Variants in MYRIP observed in about 807,000 individuals in gnomAD.
MYRIP encodes myosin VIIA and Rab interacting protein.
A neutral mutation model predicts 98.0 loss-of-function variants in MYRIP; 49 were observed. The ratio of observed to expected loss-of-function variants is 0.50; its 90% CI spans 0.40 to 0.63. The LOEUF is 0.63. MYRIP is among the 30% of genes least tolerant of loss of function. The probability of loss-of-function intolerance (pLI) is 0.00; values close to 1 mark genes in which losing one functional copy is unlikely to be tolerated. For synonymous variants in MYRIP, 404 were observed against 409.5 expected (o/e 0.99, Z 0.16); for missense variants, 1,004 against 1,058.2 (o/e 0.95, Z 0.71).
intron 1 of MYRIP, among the ~76,000 whole-genome samples, chr3:39,842,795 G>T (rs1255412711): frequency 6.6e-6 from 1 of 152,150 alleles, no homozygotes; most frequent in Non-Finnish European, 1.5e-5. Flanking sequence ...TGCACCCACT[G>T]TCTAACCAGT....
chr3:40,118,651 A>T (rs1018269226), intron 3 of MYRIP, among the ~76,000 whole-genome samples: 19 of 151,068 alleles, frequency 1.3e-4, no homozygotes, highest in African/African-American at 4.1e-4. Flanking sequence ...TGTGCACAAC[A>T]TGCAGGTTTG....
At chr3:39,991,522 T>C (rs1279972502) in intron 2 of MYRIP, among the ~76,000 whole-genome samples, 2 of 152,226 alleles carry the variant, frequency 1.3e-5, no homozygotes, top group Non-Finnish European at 2.9e-5. Flanking sequence ...CTAATTATTT[T>C]ACTACCTTCC....
At chr3:39,825,256 T>G (rs1252931973) in intron 1 of MYRIP, among the ~76,000 whole-genome samples, 1 of 152,186 alleles carries the variant, frequency 6.6e-6, no homozygotes, top group Non-Finnish European at 1.5e-5. Flanking sequence ...ATAGTGGACA[T>G]CCTCGTCTTG....
chr3:39,987,485 T>G (rs1426204086), intron 2 of MYRIP, among the ~76,000 whole-genome samples: 1 of 152,244 alleles, frequency 6.6e-6, no homozygotes, highest in African/African-American at 2.4e-5. Flanking sequence ...TGTGTCTTTA[T>G]AATAGAATGA....
intron 2 of MYRIP, among the ~76,000 whole-genome samples, chr3:39,999,568 C>T (rs1323464062): frequency 6.6e-6 from 1 of 150,932 alleles, no homozygotes; most frequent in Non-Finnish European, 1.5e-5. Context: ...AACTTTCACA[C>T]TGTTGGTGGG....
intron 2 of MYRIP, among the ~76,000 whole-genome samples, chr3:40,042,288 TAAAAAAAAA>T (rs66600615): frequency 1.8e-5 from 2 of 112,580 alleles, no homozygotes; most frequent in African/African-American, 3.4e-5. Flanking sequence ...ACTGGAAGGA[TAAAAAAAAA>T]AAAAAAAAAA....
chr3:39,945,485 A>AG (rs1944880053), intron 2 of MYRIP, among the ~76,000 whole-genome samples: 1 of 131,992 alleles, frequency 7.6e-6, no homozygotes, highest in Non-Finnish European at 1.6e-5. Flanking sequence ...TCAAAAAAAA[A>AG]AAAAAAGAAA....
chr3:39,859,165 A>T (rs140986685), intron 1 of MYRIP, among the ~76,000 whole-genome samples: 33 of 151,936 alleles, frequency 2.2e-4, no homozygotes, highest in South Asian at 1.5e-3. Flanking sequence ...GATGGAGAGG[A>T]CTTGAGTAAA....
rs551808105 is a variant in MYRIP at position 40,166,862 on chromosome 3, C to T, written c.567C>T (p.Asp189=). The T allele has an allele frequency of 1.2e-6, 2 of 1,612,556 alleles. No homozygotes were observed. Among genetic ancestry groups the T allele is most frequent in the African/African-American group, 2.7e-5 (2 of 75,014 alleles). Residue 189 remains aspartate (D), a synonymous_variant, in exon 6 of 17, where the codon GAC becomes GAT. Coordinates refer to ENST00000302541, the MANE Select transcript of MYRIP (RefSeq NM_015460.4). ...CCTGTCTAGGACATAGTGTGATGGA[C>T]ACCTTGGCTGTGGCCCTACGGGTGG... ...YRQSEGHSVM[D]TLAVALRVAE...
At chr3:39,836,302 G>A (rs1257628599) in intron 1 of MYRIP, among the ~76,000 whole-genome samples, 1 of 152,058 alleles carries the variant, frequency 6.6e-6, no homozygotes, top group Non-Finnish European at 1.5e-5. Flanking sequence ...GCATGAGATG[G>A]TATCTCATGG....
At chr3:39,894,446 TTGTC>T (rs1277504109) in intron 1 of MYRIP, among the ~76,000 whole-genome samples, 2 of 152,224 alleles carry the variant, frequency 1.3e-5, no homozygotes, top group African/African-American at 2.4e-5. Context: ...TTATTGAAGT[TTGTC>T]TGTGTTTATT....
At chr3:39,857,139 C>A (rs146240261) in intron 1 of MYRIP, among the ~76,000 whole-genome samples, 2 of 151,594 alleles carry the variant, frequency 1.3e-5, no homozygotes, top group African/African-American at 4.8e-5. Context: ...CTTGGGCTTG[C>A]GAGGTCAAGG....
intron 2 of MYRIP, among the ~76,000 whole-genome samples, chr3:39,994,753 C>T (rs1467437082): frequency 6.6e-6 from 1 of 152,230 alleles, no homozygotes; most frequent in Non-Finnish European, 1.5e-5. Flanking sequence ...AAGTGGGTCC[C>T]TGACCCCCGA....
chr3:39,907,842 C>T (rs893987830), intron 2 of MYRIP, among the ~76,000 whole-genome samples: 1 of 152,084 alleles, frequency 6.6e-6, no homozygotes, highest in East Asian at 1.9e-4. Flanking sequence ...GTGTCGTCTG[C>T]CATTGGGCCT....
At chr3:40,090,022 A>G (rs1559396375) in intron 3 of MYRIP, among the ~76,000 whole-genome samples, 1 of 151,598 alleles carries the variant, frequency 6.6e-6, no homozygotes, top group Non-Finnish European at 1.5e-5. Context: ...AGTCTCTCTT[A>G]TGAGTTATTG....
chr3:39,818,939 T>C (rs1941014218), intron 1 of MYRIP, among the ~76,000 whole-genome samples: 1 of 152,254 alleles, frequency 6.6e-6, no homozygotes, highest in Non-Finnish European at 1.5e-5. Context: ...GTATATATTT[T>C]TGTGTATATA....
At chr3:39,983,345 G>A (rs567631162) in intron 2 of MYRIP, among the ~76,000 whole-genome samples, 3 of 152,310 alleles carry the variant, frequency 2.0e-5, no homozygotes, top group East Asian at 1.9e-4. Context: ...TGTCTTCTTT[G>A]CGTATCAGGT....
At chr3:40,183,839 T>C (rs1208585927) in intron 9 of MYRIP, among the ~76,000 whole-genome samples, 2 of 152,218 alleles carry the variant, frequency 1.3e-5, no homozygotes, top group Non-Finnish European at 2.9e-5. Flanking sequence ...TTTTAAAGAT[T>C]GTGCTATTAT....
In MYRIP at chr3:40,250,241, G is replaced by A. The variant is rs749108505; in HGVS notation, c.2282G>A (p.Arg761Gln). The A allele has an allele frequency of 1.9e-5, 30 of 1,613,400 alleles. No individual in the cohort carries two copies. Among genetic ancestry groups the A allele is most frequent in the South Asian group, 3.3e-5 (3 of 91,036 alleles). ...AELQISDIES[R>Q]ISALTIAGLN... ...TTTAAGATTTCAGATATTGAGAGCC[G>A]GATTTCAGCCCTGACCATTGCAGGA... The change falls in exon 14 of 17, where the codon CGG becomes CAG. Residue 761 changes from arginine (R) to glutamine (Q), a missense_variant. Physicochemically the swap from Arg to Gln is conservative, Grantham distance 43. Transcript: ENST00000302541.
Sources: gnomAD v4.1 joint callset for allele counts (sites outside exome capture counted in the v4.1 genomes callset) on GRCh38, gnomAD v4.1.1 for gene constraint, MANE v1.5 for transcripts, NCBI Gene and HGNC (gene_info 2026-07-23, HGNC 2026-07-21) for gene names.